The following CDC42BPB variants were observed in gnomAD, a reference collection of about 807,000 sequenced individuals.
CDC42BPB encodes serine/threonine-protein kinase MRCK beta.
In CDC42BPB, 37 loss-of-function variants were observed where a neutral mutation model predicts 214.9. The ratio of observed to expected loss-of-function variants is 0.17; its 90% CI spans 0.13 to 0.23. The LOEUF is 0.23. Ranked by LOEUF, CDC42BPB falls within the 10% of genes least tolerant of loss-of-function variation. The pLI, the probability that CDC42BPB is intolerant of heterozygous loss-of-function variation, is 1.00. For missense variants in CDC42BPB, 1,694 were observed against 2,227.0 expected (o/e 0.76, Z 4.82); for synonymous variants, 931 against 884.0 (o/e 1.05, Z -0.94).
chr14:102,937,871 G>A (rs1555383244), intron 36 of CDC42BPB, among the ~76,000 whole-genome samples: 2 of 152,232 alleles, frequency 1.3e-5, no homozygotes, highest in Admixed American at 1.3e-4. Context: ...CAGTGTGACA[G>A]CCCTGTCCCT....
At chr14:102,961,584 T>G (rs1442161352) in intron 20 of CDC42BPB, among the ~76,000 whole-genome samples, 2 of 151,392 alleles carry the variant, frequency 1.3e-5, no homozygotes, top group Non-Finnish European at 2.9e-5. Context: ...CAAGCTGGAG[T>G]GCAATGGTGC....
intron 28 of CDC42BPB, 64 bp downstream of exon 28, chr14:102,946,404 A>C (rs1203917012): frequency 9.6e-6 from 15 of 1,554,988 alleles, no homozygotes; most frequent in Non-Finnish European, 1.3e-5. Flanking sequence ...TCAGATGGGC[A>C]CTGCAGCGCC....
chr14:103,041,796 G>A, intron 1 of CDC42BPB: 1 of 447,474 alleles, frequency 2.2e-6, no homozygotes, highest in South Asian at 2.2e-5. Flanking sequence ...AGTCCCTGCA[G>A]GCCAAGGTGC....
chr14:103,004,739 G>A lies in CDC42BPB; in HGVS notation c.352-716C>T, dbSNP rs1566896881. 6.6e-6 allele frequency among the ~76,000 whole-genome samples: 1 copy of A among 152,126 alleles called. No individual in the cohort carries two copies. The highest frequency in any genetic ancestry group is 1.9e-4 in the East Asian group (1 of 5,196). The stretch of plus-strand genomic sequence containing the variant: ...GAAAAACTAGCCAGGTGTGGTGGCA[G>A]GTGCCTGTAATCCCAGCTACATGGG... On this transcript the variant is annotated intron_variant, in intron 3 of 36. Transcript: ENST00000361246. The surrounding 1 kb of genome is among the most constrained non-coding windows in gnomAD (Gnocchi z 5.3).
chr14:103,012,536 G>A (rs1886217056), intron 1 of CDC42BPB, among the ~76,000 whole-genome samples: 1 of 152,136 alleles, frequency 6.6e-6, no homozygotes, highest in African/African-American at 2.4e-5. Flanking sequence ...CAGGCGCGGT[G>A]GCTCATGGCT....
intron 28 of CDC42BPB, among the ~76,000 whole-genome samples, chr14:102,946,182 TTTTTA>T (rs1390432460): frequency 3.3e-5 from 5 of 151,600 alleles, no homozygotes; most frequent in Admixed American, 3.3e-4. Context: ...CTATATTTTA[TTTTTA>T]TTTTTATTTT....
chr14:103,001,684 A>G lies in CDC42BPB; in HGVS notation c.448-1971T>C, dbSNP rs1894991144. On this transcript the variant is annotated intron_variant, in intron 4 of 36. Coordinates refer to ENST00000361246, the MANE Select transcript of CDC42BPB (RefSeq NM_006035.4). This position sits in a 1 kb window ranked among gnomAD's most constrained non-coding sequence, Gnocchi z 5.8. ...GGGGCGGTGGATGCACACTGCAGGCATTCCAGAGGGAGCGGCCCCGGCAGC... is the reference window on the plus strand; with the variant it reads ...GGGGCGGTGGATGCACACTGCAGGCGTTCCAGAGGGAGCGGCCCCGGCAGC... 2.0e-5 allele frequency among the ~76,000 whole-genome samples: 3 copies of G among 152,186 alleles called. No homozygotes were observed. The highest frequency in any genetic ancestry group is 2.4e-5 in the African/African-American group (1 of 41,446).
chr14:103,023,175 T>TC (rs1433040563), intron 1 of CDC42BPB, among the ~76,000 whole-genome samples: 1 of 149,960 alleles, frequency 6.7e-6, no homozygotes, highest in Non-Finnish European at 1.5e-5. Flanking sequence ...CTAATTTTTT[T>TC]TTTTTTTTTT....
intron 7 of CDC42BPB, among the ~76,000 whole-genome samples, chr14:102,982,962 A>G (rs1010785142): frequency 6.6e-6 from 1 of 152,176 alleles, no homozygotes; most frequent in Non-Finnish European, 1.5e-5. Flanking sequence ...AAAAAGGAAA[A>G]CAAAGGAGGT....
chr14:103,016,729 T>C (rs1886486657), intron 1 of CDC42BPB, among the ~76,000 whole-genome samples: 4 of 152,190 alleles, frequency 2.6e-5, no homozygotes, highest in Admixed American at 1.3e-4. Context: ...GTTATTGGTA[T>C]GAACTTGCAG....
chr14:102,945,296 G>T (rs1892106717), intron 29 of CDC42BPB: 1 of 464,626 alleles, frequency 2.2e-6, no homozygotes, highest in African/African-American at 2.0e-5. Flanking sequence ...GTGCATGCCA[G>T]GATACCTTTG....
rs1336802752 is a variant in CDC42BPB, at chr14:102,950,566, C to T, written c.3209G>A (p.Gly1070Asp). The T allele has an allele frequency of 2.5e-6, 4 of 1,606,182 alleles. No homozygotes were observed. In the Admixed American group the frequency reaches 6.8e-5, roughly 27 times the overall value. Reference protein sequence around the residue: ...SFACHVSCKDGAPQVCPIPPE... With the variant: ...SFACHVSCKDDAPQVCPIPPE... ...AGGTATTGGGCACACCTGGGGGGCACCGTCTTTGCAGGACACGTGGCAAGC... is the reference window on the plus strand; with the variant it reads ...AGGTATTGGGCACACCTGGGGGGCATCGTCTTTGCAGGACACGTGGCAAGC... Residue 1070 changes from glycine (G) to aspartate (D), a missense_variant, in exon 25 of 37, where the codon GGT becomes GAT. By Grantham distance (94) the Gly-to-Asp change is moderately conservative. Transcript: ENST00000361246.
chr14:102,978,040 C>T, intron 9 of CDC42BPB, 86 bp downstream of exon 9: 1 of 1,062,460 alleles, frequency 9.4e-7, no homozygotes, highest in Non-Finnish European at 1.5e-6. Context: ...ACCCACTAGC[C>T]CGCCCCCAGG....
In CDC42BPB at chr14:102,944,074, C is replaced by T. The variant is rs1264618746; in HGVS notation, c.4225G>A (p.Val1409Ile). ...IQGDGQPLNL[V>I]NPNDPSLAFL... is the part of the protein sequence containing the mutation. ...GCAAGCGAGGGGTCATTGGGATTTA[C>T]CAGGTTTAGAGGCTGCCCGTCCCCC... is the stretch of plus-strand genomic sequence containing the variant. Residue 1409 changes from valine to isoleucine, a missense_variant, in exon 30 of 37, where the codon GTA becomes ATA. Around this residue, in one of 7 missense-constraint regions of CDC42BPB, gnomAD observed 567 missense variants for 790.3 expected, o/e 0.72. Transcript: ENST00000361246. This position sits in a 1 kb window ranked among gnomAD's most constrained non-coding sequence, Gnocchi z 6.6. 1 of 1,613,596 alleles carries T rather than the reference C, an allele frequency of 6.2e-7. No individual in the cohort carries two copies.
In CDC42BPB at chr14:103,050,292, A is replaced by G. The variant is rs867738650; in HGVS notation, c.175+6707T>C. Among the ~76,000 whole-genome samples, 18 of 152,324 alleles carry G rather than the reference A, an allele frequency of 1.2e-4. No homozygotes were observed. In the South Asian group the frequency reaches 3.5e-3, roughly 30 times the overall value. On this transcript the variant is annotated intron_variant, in intron 1 of 36. Transcript: ENST00000361246. Reference sequence around the variant, plus strand: ...AAGAAAAGGCTAAAATAAAATAAAGATATTTCAAAGCAGGCACCTGCAAGG... The same window carrying G: ...AAGAAAAGGCTAAAATAAAATAAAGGTATTTCAAAGCAGGCACCTGCAAGG...
chr14:103,043,216 C>A (rs1339996876), intron 1 of CDC42BPB, among the ~76,000 whole-genome samples: 1 of 152,142 alleles, frequency 6.6e-6, no homozygotes, highest in African/African-American at 2.4e-5. Context: ...TGCACTCCAG[C>A]TTGAGAGAGA....
intron 21 of CDC42BPB, 86 bp downstream of exon 21, chr14:102,959,545 G>T: frequency 1.1e-6 from 1 of 873,948 alleles, no homozygotes; most frequent in Non-Finnish European, 1.8e-6. Context: ...TGTGTTTGTG[G>T]CCCCATGAGT....
chr14:103,011,796 C>G (rs776004583), intron 2 of CDC42BPB, among the ~76,000 whole-genome samples: 3 of 152,082 alleles, frequency 2.0e-5, no homozygotes, highest in Non-Finnish European at 4.4e-5. Context: ...TTGGTCCCAA[C>G]AATCTCCCAG....
chr14:102,972,458 G>GACCCGCCCACCTT, intron 12 of CDC42BPB: 1 of 311,300 alleles, frequency 3.2e-6, no homozygotes, highest in Non-Finnish European at 4.7e-6. Flanking sequence ...AGGCCAAGGT[G>GACCCGCCCACCTT]GGCGGGTCAC....
Sources: allele counts gnomAD v4.1 joint callset (sites outside exome capture counted in the v4.1 genomes callset), GRCh38; gene constraint gnomAD v4.1.1; regional missense constraint gnomAD v4.1.1; non-coding constraint Gnocchi (gnomAD v3.1); transcripts MANE v1.5; gene names NCBI Gene and HGNC (gene_info 2026-07-23, HGNC 2026-07-21).